Variants in RBFOX1 observed in about 807,000 individuals in gnomAD.
RBFOX1 encodes RNA binding protein fox-1 homolog 1.
A neutral mutation model predicts 57.7 loss-of-function variants in RBFOX1; 8 were observed. That is an observed-to-expected ratio of 0.14 (90% CI 0.08 to 0.25). RBFOX1 has a LOEUF of 0.25. Among genes scored for constraint, RBFOX1 ranks in the 10% least tolerant of loss-of-function variants. RBFOX1 has a pLI of 1.00. For missense variants in RBFOX1, 611 were observed against 548.5 expected (o/e 1.11, Z -1.14); for synonymous variants, 326 against 222.4 (o/e 1.47, Z -4.15).
chr16:5,631,339 A>T (rs1199830790), intron 3 of RBFOX1, among the ~76,000 whole-genome samples: 1 of 152,196 alleles, frequency 6.6e-6, no homozygotes, highest in Non-Finnish European at 1.5e-5. Context: ...CAGGTGGATC[A>T]CGAGGTCAGG....
chr16:7,404,483 G>T (rs979168552), intron 4 of RBFOX1, among the ~76,000 whole-genome samples: 2 of 152,176 alleles, frequency 1.3e-5, no homozygotes, highest in Non-Finnish European at 2.9e-5. Context: ...TTTCTGGCAG[G>T]CACTGCGTGA....
intron 4 of RBFOX1, among the ~76,000 whole-genome samples, chr16:7,196,331 T>A (rs1324417671): frequency 1.3e-5 from 2 of 152,142 alleles, no homozygotes; most frequent in Admixed American, 6.5e-5. Context: ...TCAGGGAATT[T>A]CTCCTTCAAC....
chr16:6,527,353 CTCCT>C (rs1214530117), intron 2 of RBFOX1, among the ~76,000 whole-genome samples: 1 of 151,908 alleles, frequency 6.6e-6, no homozygotes, highest in Non-Finnish European at 1.5e-5. Flanking sequence ...TGTGTATCCT[CTCCT>C]TCCTTCCTCC....
At chr16:6,359,080 T>A (rs1436959590) in intron 2 of RBFOX1, among the ~76,000 whole-genome samples, 1 of 112,004 alleles carries the variant, frequency 8.9e-6, no homozygotes, top group Non-Finnish European at 2.0e-5. Flanking sequence ...GAAAGGGTTT[T>A]TGTTTGTTTG....
intron 2 of RBFOX1, among the ~76,000 whole-genome samples, chr16:5,478,169 G>C (rs1211988592): frequency 6.6e-6 from 1 of 152,130 alleles, no homozygotes; most frequent in Non-Finnish European, 1.5e-5. Flanking sequence ...GGCTCAGCTT[G>C]GCGGAGTAAA....
At chr16:7,216,698 A>G (rs1323328600) in intron 4 of RBFOX1, among the ~76,000 whole-genome samples, 3 of 152,116 alleles carry the variant, frequency 2.0e-5, no homozygotes, top group Non-Finnish European at 4.4e-5. Flanking sequence ...AAACCGAGAC[A>G]ATGAGTGTAG....
intron 14 of RBFOX1, among the ~76,000 whole-genome samples, chr16:7,704,872 G>A (rs1258810939): frequency 6.6e-6 from 1 of 151,506 alleles, no homozygotes; most frequent in African/African-American, 2.4e-5. Flanking sequence ...GCAACATGGT[G>A]AAATGTTGTC....
At chr16:5,434,323 T>TTTTTTTTC in intron 1 of RBFOX1, among the ~76,000 whole-genome samples, 1 of 137,650 alleles carries the variant, frequency 7.3e-6, no homozygotes, top group Non-Finnish European at 1.6e-5. Flanking sequence ...AGTCCTTTTT[T>TTTTTTTTC]TTTTTTTTTT....
At chr16:7,402,779 G>A (rs1043998079) in intron 4 of RBFOX1, among the ~76,000 whole-genome samples, 17 of 152,112 alleles carry the variant, frequency 1.1e-4, no homozygotes, top group Non-Finnish European at 1.6e-4. Context: ...TTGATAGGAT[G>A]GTGTAACCTC....
At chr16:6,379,836 G>A (rs1247008531) in intron 2 of RBFOX1, among the ~76,000 whole-genome samples, 2 of 152,144 alleles carry the variant, frequency 1.3e-5, no homozygotes, top group Non-Finnish European at 2.9e-5. Context: ...TGTTAGAGGA[G>A]TTTGCAGACG....
chr16:5,307,668 T>G (rs1189972392), intron 1 of RBFOX1, among the ~76,000 whole-genome samples: 3 of 152,162 alleles, frequency 2.0e-5, no homozygotes, highest in Non-Finnish European at 2.9e-5. Flanking sequence ...TTTTATTTAT[T>G]TATGATGAAT....
intron 1 of RBFOX1, among the ~76,000 whole-genome samples, chr16:6,096,287 G>A (rs913725847): frequency 6.6e-6 from 1 of 152,162 alleles, no homozygotes; most frequent in African/African-American, 2.4e-5. Context: ...GAAAGGAAAC[G>A]AAGATGAAAT....
chr16:6,302,516 T>C (rs2078934880), intron 1 of RBFOX1, among the ~76,000 whole-genome samples: 1 of 152,182 alleles, frequency 6.6e-6, no homozygotes, highest in Non-Finnish European at 1.5e-5. Flanking sequence ...TTTTTTCTTC[T>C]TGTGGGTAGG....
At chr16:5,717,706 ACTCT>A (rs1184756291) in intron 3 of RBFOX1, among the ~76,000 whole-genome samples, 1 of 152,036 alleles carries the variant, frequency 6.6e-6, no homozygotes, top group African/African-American at 2.4e-5. Context: ...TCAACACAGC[ACTCT>A]CTCTAATAAT....
chr16:6,690,873 G>C (rs547222713), intron 3 of RBFOX1, among the ~76,000 whole-genome samples: 3 of 151,018 alleles, frequency 2.0e-5, no homozygotes, highest in African/African-American at 7.3e-5. Context: ...CTTGGACTCT[G>C]AAACATAATC....
intron 5 of RBFOX1, among the ~76,000 whole-genome samples, chr16:7,531,901 C>A (rs1269610533): frequency 1.3e-5 from 2 of 152,132 alleles, no homozygotes; most frequent in Non-Finnish European, 2.9e-5. Flanking sequence ...CCATCCCTAA[C>A]CCATCCCCTT....
At chr16:7,225,919 T>TATATATATAAAA (rs1315130232) in intron 4 of RBFOX1, among the ~76,000 whole-genome samples, 12 of 142,160 alleles carry the variant, frequency 8.4e-5, no homozygotes, top group East Asian at 5.9e-4. Context: ...TATATATATA[T>TATATATATAAAA]AAATGTGAAT....
intron 3 of RBFOX1, among the ~76,000 whole-genome samples, chr16:6,981,816 AT>A (rs919933917): frequency 3.3e-5 from 5 of 152,056 alleles, no homozygotes; most frequent in African/African-American, 1.2e-4. Flanking sequence ...TCAAGATGAG[AT>A]TGGGGTGGGG....
intron 2 of RBFOX1, among the ~76,000 whole-genome samples, chr16:6,430,729 A>G (rs2094055218): frequency 6.6e-6 from 1 of 152,136 alleles, no homozygotes; most frequent in Admixed American, 6.5e-5. Context: ...GTAGACAACC[A>G]CCAAATGCTT....
Sources: gnomAD v4.1 joint callset for allele counts (sites outside exome capture counted in the v4.1 genomes callset) on GRCh38, gnomAD v4.1.1 for gene constraint, MANE v1.5 for transcripts, NCBI Gene and HGNC (gene_info 2026-07-23, HGNC 2026-07-21) for gene names.